Variants in NBAS observed in about 807,000 individuals in gnomAD.
NBAS encodes the protein NAG/BC035112 fusion.
In NBAS, 219 loss-of-function variants were observed where a neutral mutation model predicts 302.5. That is an observed-to-expected ratio of 0.72 (90% CI 0.65 to 0.81). The LOEUF is 0.81. Among genes scored for constraint, NBAS ranks in the 30% least tolerant of loss-of-function variants. The pLI is 0.00. For missense variants in NBAS, 2,932 were observed against 2,841.6 expected, an observed-to-expected ratio of 1.03 and a Z score of -0.72; for synonymous variants, 1,118 against 1,021.6, an observed-to-expected ratio of 1.09 and a Z score of -1.80.
At chr2:14,815,741 G>C in the NBAS span, among the ~76,000 whole-genome samples, 13 of 152,032 alleles carry the variant, frequency 8.6e-5, no homozygotes, top group African/African-American at 3.1e-4. Context: ...ATATTAATCT[G>C]GAGGACCCAC....
the NBAS span, among the ~76,000 whole-genome samples, chr2:14,791,803 CATAAATAAATAAATAAATAA>C: frequency 3.6e-3 from 500 of 139,248 alleles, 2 homozygotes; most frequent in African/African-American, 0.013. Flanking sequence ...GACTCCATCT[CATAAATAAATAAATAAATAA>C]ATAAATAAAT....
chr2:15,369,115 T>C (rs930508891), intron 31 of NBAS, among the ~76,000 whole-genome samples: 1 of 152,188 alleles, frequency 6.6e-6, no homozygotes, highest in African/African-American at 2.4e-5. Flanking sequence ...TTTTAACACA[T>C]TTCTAATTTT....
chr2:15,328,355 G>GT, intron 36 of NBAS, 43 bp from the exon 37 acceptor site: 1 of 1,495,902 alleles, frequency 6.7e-7, no homozygotes, highest in Non-Finnish European at 9.3e-7. Flanking sequence ...AAAAGAAAGA[G>GT]AAGGCAAGGA....
At chr2:14,941,363 C>T in the NBAS span, among the ~76,000 whole-genome samples, 2 of 152,170 alleles carry the variant, frequency 1.3e-5, no homozygotes, top group Admixed American at 6.5e-5. Flanking sequence ...TTGGACAGAG[C>T]CTCTACATGT....
chr2:14,824,800 G>T, the NBAS span, among the ~76,000 whole-genome samples: 2 of 152,116 alleles, frequency 1.3e-5, no homozygotes, highest in Admixed American at 6.5e-5. Context: ...CTGAGTTCAT[G>T]TTCTATGAGA....
intron 48 of NBAS, among the ~76,000 whole-genome samples, chr2:15,192,623 T>G (rs1316697817): frequency 6.6e-6 from 1 of 152,180 alleles, no homozygotes; most frequent in Admixed American, 6.5e-5. Flanking sequence ...GCATCATATC[T>G]GAAAAATGGG....
the NBAS span, among the ~76,000 whole-genome samples, chr2:15,035,522 A>G: frequency 6.6e-6 from 1 of 152,240 alleles, no homozygotes; most frequent in African/African-American, 2.4e-5. Context: ...TCATTCTGTT[A>G]TAAAGATACA....
chr2:14,835,955 C>T, the NBAS span, among the ~76,000 whole-genome samples: 1 of 151,992 alleles, frequency 6.6e-6, no homozygotes, highest in African/African-American at 2.4e-5. Flanking sequence ...AGTTGTTTCA[C>T]AACCTCACCA....
the NBAS span, among the ~76,000 whole-genome samples, chr2:15,050,516 A>T: frequency 6.6e-6 from 1 of 152,332 alleles, no homozygotes; most frequent in South Asian, 2.1e-4. Flanking sequence ...TGAATATGAC[A>T]CACACATGAA....
intron 31 of NBAS, among the ~76,000 whole-genome samples, chr2:15,371,864 G>A (rs1674500826): frequency 1.3e-5 from 2 of 151,960 alleles, no homozygotes; most frequent in African/African-American, 4.8e-5. Flanking sequence ...AAAGGATGTG[G>A]GGAGAATGAG....
intron 2 of NBAS, 40 bp from the exon 3 acceptor site, chr2:15,556,859 C>T: frequency 6.7e-7 from 1 of 1,488,884 alleles, no homozygotes; most frequent in Non-Finnish European, 9.4e-7. Flanking sequence ...TATAAATCAG[C>T]TGTTAAGAAT....
chr2:15,344,472 A>G (rs1005042172), intron 35 of NBAS, among the ~76,000 whole-genome samples: 1 of 152,176 alleles, frequency 6.6e-6, no homozygotes, highest in Non-Finnish European at 1.5e-5. Context: ...AAAAAGGTGA[A>G]TCCCGGAAAT....
intron 21 of NBAS, among the ~76,000 whole-genome samples, chr2:15,437,814 C>A (rs1010217056): frequency 1.1e-3 from 167 of 152,096 alleles, no homozygotes; most frequent in African/African-American, 3.9e-3. Flanking sequence ...CAAAAATAGA[C>A]CAGAAAATAG....
chr2:14,931,267 T>C, the NBAS span, among the ~76,000 whole-genome samples: 3 of 152,156 alleles, frequency 2.0e-5, no homozygotes, highest in African/African-American at 7.2e-5. Context: ...CTTGAATAAT[T>C]TATTGTCCAA....
the NBAS span, among the ~76,000 whole-genome samples, chr2:14,968,131 G>A: frequency 1.3e-5 from 2 of 152,172 alleles, no homozygotes; most frequent in Non-Finnish European, 2.9e-5. Flanking sequence ...ACAAAGCTAA[G>A]CTTTTCATAC....
At chr2:15,426,115 T>C (rs1677463073) in intron 22 of NBAS, among the ~76,000 whole-genome samples, 1 of 152,206 alleles carries the variant, frequency 6.6e-6, no homozygotes, top group Admixed American at 6.5e-5. Flanking sequence ...AACCTTTAGG[T>C]GTTTAACTTC....
the NBAS span, among the ~76,000 whole-genome samples, chr2:15,035,066 T>G: frequency 1.3e-5 from 2 of 152,108 alleles, no homozygotes; most frequent in Non-Finnish European, 2.9e-5. Flanking sequence ...CATAGTATGT[T>G]GCACCACAGA....
At chr2:15,426,999 G>T (rs371181457) in intron 22 of NBAS, among the ~76,000 whole-genome samples, 1 of 152,132 alleles carries the variant, frequency 6.6e-6, no homozygotes, top group Admixed American at 6.5e-5. Context: ...GGGAAGGAAA[G>T]CAGAGTTTGG....
At chr2:14,839,707 C>A in the NBAS span, among the ~76,000 whole-genome samples, 32,244 of 151,812 alleles carry the variant, frequency 0.21, 5,558 homozygotes, top group African/African-American at 0.47. Flanking sequence ...ACCTAAGGCA[C>A]CATCTACTGC....
Sources: gnomAD v4.1 joint callset for allele counts (sites outside exome capture counted in the v4.1 genomes callset) on GRCh38, gnomAD v4.1.1 for gene constraint, MANE v1.5 for transcripts, NCBI Gene and HGNC (gene_info 2026-07-23, HGNC 2026-07-21) for gene names.